Variants in PUM2 observed in about 807,000 individuals in gnomAD.
PUM2 encodes the protein pumilio RNA binding family member 2.
A neutral mutation model predicts 124.5 loss-of-function variants in PUM2; 57 were observed. The observed-to-expected ratio is 0.46, with a 90% CI of 0.37 to 0.57. The LOEUF (loss-of-function observed/expected upper bound fraction) is 0.57, where lower values mean the gene tolerates loss of function less well. PUM2 is among the 20% of genes least tolerant of loss of function. PUM2 has a pLI of 0.00. For missense variants in PUM2, 1,065 were observed against 1,290.6 expected, an observed-to-expected ratio of 0.83 and a Z score of 2.68; for synonymous variants, 460 against 446.1, an observed-to-expected ratio of 1.03 and a Z score of -0.39.
intron 8 of PUM2, among the ~76,000 whole-genome samples, chr2:20,294,978 T>C (rs1356803311): frequency 1.3e-5 from 2 of 152,236 alleles, no homozygotes; most frequent in Non-Finnish European, 2.9e-5. Context: ...CCAAGCATGC[T>C]ACAATGGTAT....
chr2:20,287,379 T>A (rs555676436), intron 10 of PUM2, among the ~76,000 whole-genome samples: 1 of 152,280 alleles, frequency 6.6e-6, no homozygotes, highest in South Asian at 2.1e-4. Flanking sequence ...GAAAGCTTCA[T>A]GAAAGGGACC....
At chr2:20,287,119 A>T (rs1396048754) in intron 10 of PUM2, among the ~76,000 whole-genome samples, 1 of 152,216 alleles carries the variant, frequency 6.6e-6, no homozygotes, top group Non-Finnish European at 1.5e-5. Context: ...CCCCTTCTTA[A>T]TTCTAAAATG....
chr2:20,315,836 C>CAAAAAAAAAAAAAAAAAAAAAAAA, intron 3 of PUM2, among the ~76,000 whole-genome samples: 1 of 72,352 alleles, frequency 1.4e-5, no homozygotes, highest in Non-Finnish European at 2.6e-5. Flanking sequence ...AACCTGGTCT[C>CAAAAAAAAAAAAAAAAAAAAAAAA]AAAAAAAAAA....
chr2:20,258,064 TTATC>T (rs1665237287), intron 16 of PUM2, among the ~76,000 whole-genome samples, 175 bp downstream of exon 16: 1 of 152,212 alleles, frequency 6.6e-6, no homozygotes, highest in Admixed American at 6.5e-5. Context: ...CATTTAGAAA[TTATC>T]TACTTTGTGA....
chr2:20,255,737 TC>T (rs1664617453), intron 17 of PUM2, among the ~76,000 whole-genome samples: 1 of 152,168 alleles, frequency 6.6e-6, no homozygotes, highest in South Asian at 2.1e-4. Context: ...CAAACCTCCT[TC>T]CCTTCTCTGA....
At chr2:20,304,859 T>C (rs776087156) in intron 7 of PUM2, among the ~76,000 whole-genome samples, 19 of 152,246 alleles carry the variant, frequency 1.2e-4, no homozygotes, top group Non-Finnish European at 2.2e-4. Context: ...ATATTCAAAT[T>C]AATTTCACCT....
rs1057244621 is a variant in PUM2 at position 20,297,297 on chromosome 2, A to T, written c.1009+256T>A. Among the ~76,000 whole-genome samples, 7 of 152,320 alleles carry T rather than the reference A, an allele frequency of 4.6e-5. No homozygotes were observed. In the South Asian group the frequency reaches 1.2e-3, roughly 27 times the overall value. ...TTAAAATGGAGATTCATGGTTGACT[A>T]TATAGATTTCTAAAACTATAAAGCT... On this transcript the variant is annotated intron_variant, in intron 8 of 20. Transcript: ENST00000361078.
chr2:20,295,793 T>C (rs1031968819), intron 8 of PUM2, among the ~76,000 whole-genome samples: 16 of 152,196 alleles, frequency 1.1e-4, no homozygotes, highest in Admixed American at 9.2e-4. Flanking sequence ...TTTGGATATG[T>C]TGGGACAAAT....
At chr2:20,268,961 A>G (rs997250882) in intron 13 of PUM2, among the ~76,000 whole-genome samples, 3 of 152,154 alleles carry the variant, frequency 2.0e-5, no homozygotes, top group Admixed American at 1.3e-4. Flanking sequence ...TGAGGCAGAC[A>G]TATCTCCATT....
chr2:20,312,130 T>C lies in PUM2; in HGVS notation c.348+106A>G. ...GCAATAATAGTTACAAAATTTCTCT[T>C]AGCTATAGGAAGGGCACAGAAAAAC... On this transcript the variant is annotated intron_variant, in intron 4 of 20. Coordinates refer to ENST00000361078, the MANE Select transcript of PUM2 (RefSeq NM_015317.5). 4 of 1,058,258 alleles carry C rather than the reference T, an allele frequency of 3.8e-6. No individual in the cohort carries two copies. In the South Asian group the frequency reaches 7.1e-5, roughly 19 times the overall value. 65.6% of individuals were successfully genotyped at this position (1,058,258 alleles called of 1,614,324 possible).
intron 2 of PUM2, chr2:20,326,137 T>A: frequency 1.2e-6 from 1 of 850,418 alleles, no homozygotes; most frequent in Non-Finnish European, 1.6e-6. Flanking sequence ...GCAGTGAAGC[T>A]ACAGATTTTG....
intron 1 of PUM2, among the ~76,000 whole-genome samples, chr2:20,336,383 C>A (rs922639552): frequency 6.6e-6 from 1 of 151,992 alleles, no homozygotes; most frequent in Non-Finnish European, 1.5e-5. Context: ...CAGGGTTTTG[C>A]CATGTTGCCC....
chr2:20,267,026 C>CTTTTTT (rs373222999), intron 13 of PUM2, among the ~76,000 whole-genome samples: 4,253 of 142,728 alleles, frequency 0.03, 63 homozygotes, highest in Middle Eastern at 0.058. Flanking sequence ...ATGCCTGTAA[C>CTTTTTT]TTTTTTTTTT....
chr2:20,326,896 G>GAA (rs1388795007), intron 2 of PUM2, among the ~76,000 whole-genome samples: 3 of 152,180 alleles, frequency 2.0e-5, no homozygotes, highest in Non-Finnish European at 4.4e-5. Context: ...TAGAAGATTA[G>GAA]AAGTTTGTTA....
intron 20 of PUM2, 32 bp downstream of exon 20, chr2:20,253,786 GACAA>G (rs770937376): frequency 5.8e-6 from 9 of 1,551,188 alleles, no homozygotes; most frequent in East Asian, 2.3e-5. Context: ...TAAACACAAA[GACAA>G]ACAGTTATCT....
chr2:20,324,805 T>G (rs1683279745), intron 2 of PUM2, among the ~76,000 whole-genome samples: 1 of 152,056 alleles, frequency 6.6e-6, no homozygotes, highest in Non-Finnish European at 1.5e-5. Flanking sequence ...CACAGTAAAT[T>G]TGAAATTAGT....
At chr2:20,314,161 TTAAAA>T (rs971979888) in intron 3 of PUM2, among the ~76,000 whole-genome samples, 11 of 151,934 alleles carry the variant, frequency 7.2e-5, no homozygotes, top group Admixed American at 4.6e-4. Flanking sequence ...AATAAATAAA[TTAAAA>T]TAACAATAAA....
intron 1 of PUM2, among the ~76,000 whole-genome samples, chr2:20,332,563 A>G (rs929858126): frequency 3.3e-5 from 5 of 152,170 alleles, no homozygotes; most frequent in African/African-American, 1.2e-4. Flanking sequence ...AGGCAATACC[A>G]TATCCATATA....
intron 12 of PUM2, among the ~76,000 whole-genome samples, chr2:20,281,335 C>A (rs1449152992): frequency 6.6e-6 from 1 of 152,054 alleles, no homozygotes; most frequent in Non-Finnish European, 1.5e-5. Context: ...TCATGTCAAT[C>A]AATTCCTGAA....
Sources: gnomAD v4.1 joint callset for allele counts (sites outside exome capture counted in the v4.1 genomes callset) on GRCh38, gnomAD v4.1.1 for gene constraint, MANE v1.5 for transcripts, NCBI Gene and HGNC (gene_info 2026-07-23, HGNC 2026-07-21) for gene names.